SKI: variants seen among roughly 807,000 people sequenced by gnomAD.
SKI encodes the protein ski oncogene.
Under a neutral mutation model 59.3 loss-of-function variants are expected in SKI, and 23 were observed. That is an observed-to-expected ratio of 0.39 (90% confidence interval 0.28 to 0.55). The LOEUF is 0.55. SKI is among the 20% of genes least tolerant of loss of function. The probability of loss-of-function intolerance (pLI) is 0.67; values close to 1 mark genes in which losing one functional copy is unlikely to be tolerated. For synonymous variants in SKI, 673 were observed against 488.6 expected, an observed-to-expected ratio of 1.38 and a Z score of -4.98; for missense variants, 1,017 against 1,038.9, an observed-to-expected ratio of 0.98 and a Z score of 0.29.
chr1:2,238,692 G>T lies in SKI; in HGVS notation c.969+8957G>T, dbSNP rs1417158591. ...CTCTGCGGAGCTGTGGACACTGCGT[G>T]TGTGGTGCTGAAGGTGTACACGTCC... On this transcript the variant is annotated intron_variant, in intron 1 of 6. Transcript: ENST00000378536. 2.6e-5 allele frequency among the ~76,000 whole-genome samples: 4 copies of T among 152,256 alleles called. No homozygotes were observed. In the South Asian group the frequency reaches 8.3e-4, roughly 31 times the overall value.
At chr1:2,280,106 T>G (rs559065467) in intron 1 of SKI, among the ~76,000 whole-genome samples, 1 of 152,014 alleles carries the variant, frequency 6.6e-6, no homozygotes, top group Admixed American at 6.6e-5. Context: ...TGGTGGCTCA[T>G]GCCTGTAATC....
intron 1 of SKI, among the ~76,000 whole-genome samples, chr1:2,236,299 A>C (rs927373104): frequency 6.6e-6 from 1 of 152,222 alleles, no homozygotes; most frequent in Admixed American, 6.5e-5. Context: ...GGCCAGATTC[A>C]ATAACTCACT....
At chr1:2,278,543 C>T (rs1455161463) in intron 1 of SKI, among the ~76,000 whole-genome samples, 2 of 152,208 alleles carry the variant, frequency 1.3e-5, no homozygotes, top group Non-Finnish European at 2.9e-5. Context: ...GCAGGCCTGT[C>T]CTGCCCATTG....
chr1:2,291,636 C>T (rs1199931565), intron 1 of SKI, among the ~76,000 whole-genome samples: 1 of 151,892 alleles, frequency 6.6e-6, no homozygotes, highest in South Asian at 2.1e-4. Flanking sequence ...AGCCCCCACC[C>T]TCCTTCCAGC....
intron 1 of SKI, among the ~76,000 whole-genome samples, chr1:2,230,069 G>C (rs1185070000): frequency 2.0e-5 from 3 of 152,226 alleles, no homozygotes; most frequent in Non-Finnish European, 4.4e-5. Flanking sequence ...CGAGAAAGCG[G>C]CCTGCCCCAG....
At chr1:2,256,116 G>T (rs563986708) in intron 1 of SKI, among the ~76,000 whole-genome samples, 127 of 146,238 alleles carry the variant, frequency 8.7e-4, no homozygotes, top group Non-Finnish European at 1.7e-3. Flanking sequence ...TGCCACTCTT[G>T]TGTCCTGACC....
chr1:2,296,081 T>C (rs1640277819), intron 1 of SKI, among the ~76,000 whole-genome samples: 1 of 152,080 alleles, frequency 6.6e-6, no homozygotes, highest in African/African-American at 2.4e-5. Context: ...TCACCAACAC[T>C]TGTCCAAACT....
At position 2,229,666 on chromosome 1, in the gene SKI, C is replaced by T. The variant is rs747649658; in HGVS notation, c.900C>T (p.Leu300=). 3 of 1,610,010 alleles carry T rather than the reference C, an allele frequency of 1.9e-6. No homozygotes were observed. The highest frequency in any genetic ancestry group is 1.7e-6 in the Non-Finnish European group (2 of 1,178,826). The change falls in exon 1 of 7, where the codon CTC becomes CTT. Residue 300 remains leucine (L), a synonymous_variant. Coordinates refer to ENST00000378536, the MANE Select transcript of SKI (RefSeq NM_003036.4). This position sits in a 1 kb window ranked among gnomAD's most constrained non-coding sequence, Gnocchi z 6.3. ...DYTGKEEQAR[L]GRCLDDVKEK... is the part of the protein sequence containing the mutation. Reference sequence around the variant, plus strand: ...CGGGCAAGGAGGAGCAGGCGCGCCTCGGCCGCTGCCTGGACGACGTGAAGG... The same window carrying T: ...CGGGCAAGGAGGAGCAGGCGCGCCTTGGCCGCTGCCTGGACGACGTGAAGG...
chr1:2,230,762 C>T (rs369008081), intron 1 of SKI, among the ~76,000 whole-genome samples: 1 of 152,320 alleles, frequency 6.6e-6, no homozygotes, highest in Admixed American at 6.5e-5. Context: ...ACACAGAATG[C>T]TGCATTGGCT....
chr1:2,298,181 T>C (rs1248648116), intron 1 of SKI, among the ~76,000 whole-genome samples: 2 of 152,192 alleles, frequency 1.3e-5, no homozygotes, highest in Non-Finnish European at 2.9e-5. Flanking sequence ...CCTCAATGTC[T>C]GTTTCAGCTG....
In SKI at chr1:2,309,090, G is replaced by A. The variant is rs987180781; in HGVS notation, c.*2325G>A. 3.3e-5 allele frequency: 5 copies of A among 152,346 alleles called. No individual in the cohort carries two copies. The highest frequency in any genetic ancestry group is 1.2e-4 in the African/African-American group (5 of 41,450). 9.4% of individuals were successfully genotyped at this position (152,346 alleles called of 1,614,324 possible). On this transcript the variant is annotated 3_prime_UTR_variant, in exon 7 of 7. Coordinates refer to ENST00000378536, the MANE Select transcript of SKI (RefSeq NM_003036.4). ...CACAGCTCTTGCCTCGGCTCACCAGGGTCACTTCCACTGTCAGGGGCCTGA... is the reference window on the plus strand; with the variant it reads ...CACAGCTCTTGCCTCGGCTCACCAGAGTCACTTCCACTGTCAGGGGCCTGA...
intron 5 of SKI, among the ~76,000 whole-genome samples, chr1:2,305,103 C>A (rs991550979): frequency 1.3e-5 from 2 of 152,346 alleles, no homozygotes; most frequent in Non-Finnish European, 2.9e-5. Flanking sequence ...CCAGGCCTCC[C>A]GAGTAGGAAG....
Position 2,304,448 on chromosome 1 carries a change from C to T in SKI, c.1630C>T (p.His544Tyr). The part of the protein sequence containing the change: ...APSGLEAELE[H>Y]LRQALEGGLD... ...CAGTGGGCTGGAGGCGGAGCTGGAG[C>T]ACCTGCGGCAGGCACTGGAGGGCGG... Residue 544 changes from histidine to tyrosine, a missense_variant, in exon 5 of 7, where the codon CAC becomes TAC. By Grantham distance (83) the His-to-Tyr change is moderately conservative (BLOSUM62 2). Coordinates refer to ENST00000378536, the MANE Select transcript of SKI (RefSeq NM_003036.4). 6.4e-7 allele frequency: 1 copy of T among 1,564,220 alleles called. No homozygotes were observed. The highest frequency in any genetic ancestry group is 8.7e-7 in the Non-Finnish European group (1 of 1,155,504).
chr1:2,287,525 A>G (rs1372160026), intron 1 of SKI, among the ~76,000 whole-genome samples: 1 of 151,762 alleles, frequency 6.6e-6, no homozygotes, highest in African/African-American at 2.4e-5. Context: ...TTTAGTAGAG[A>G]CGGGGTTTCA....
chr1:2,303,269 A>G lies in SKI; in HGVS notation c.1096-16A>G. The G allele has an allele frequency of 1.9e-6, 3 of 1,612,128 alleles. No individual in the cohort carries two copies. Among genetic ancestry groups the G allele is most frequent in the Non-Finnish European group, 2.5e-6 (3 of 1,179,218 alleles). On this transcript the variant is annotated splice_polypyrimidine_tract_variant and intron_variant, in intron 2 of 6. Coordinates refer to ENST00000378536, the MANE Select transcript of SKI (RefSeq NM_003036.4). The surrounding 1 kb of genome is among the most constrained non-coding windows in gnomAD (Gnocchi z 5.6). ...TTTTCTCCTGGTCACTCACACAGAC[A>G]ACTCTTTCTCGACAGAGCCTGGGCT...
intron 1 of SKI, among the ~76,000 whole-genome samples, chr1:2,279,088 C>T (rs992806051): frequency 3.9e-5 from 6 of 152,166 alleles, no homozygotes; most frequent in Admixed American, 1.3e-4. Context: ...TGGACTCTGC[C>T]CTCCTGTCTC....
At chr1:2,276,742 C>T (rs535463228) in intron 1 of SKI, among the ~76,000 whole-genome samples, 1 of 152,300 alleles carries the variant, frequency 6.6e-6, no homozygotes, top group South Asian at 2.1e-4. Flanking sequence ...AGTATGTGGC[C>T]ATCCTCTGGC....
At chr1:2,243,259 G>A (rs1638918944) in intron 1 of SKI, among the ~76,000 whole-genome samples, 2 of 152,238 alleles carry the variant, frequency 1.3e-5, no homozygotes, top group Non-Finnish European at 1.5e-5. Flanking sequence ...CACATCACAC[G>A]GGCTTCGTGA....
At chr1:2,261,434 T>G (rs1252314800) in intron 1 of SKI, among the ~76,000 whole-genome samples, 1 of 152,378 alleles carries the variant, frequency 6.6e-6, no homozygotes, top group East Asian at 1.9e-4. Flanking sequence ...TGTTATTAAT[T>G]TAGTATTTTG....
Sources: gnomAD v4.1 joint callset for allele counts (sites outside exome capture counted in the v4.1 genomes callset) on GRCh38, gnomAD v4.1.1 for gene constraint, Gnocchi (gnomAD v3.1) non-coding constraint, MANE v1.5 for transcripts, NCBI Gene and HGNC (gene_info 2026-07-23, HGNC 2026-07-21) for gene names.